The following PXDNL variants were observed in gnomAD, a reference collection of about 807,000 sequenced individuals.
The protein encoded by PXDNL is peroxidasin like, also known as probable oxidoreductase PXDNL.
Under a neutral mutation model 150.8 loss-of-function variants are expected in PXDNL, and 145 were observed. That is an observed-to-expected ratio of 0.96 (90% confidence interval 0.84 to 1.10). PXDNL has a LOEUF of 1.10. PXDNL is among the 50% of genes least tolerant of loss of function. The probability of loss-of-function intolerance (pLI) is 0.00; values close to 1 mark genes in which losing one functional copy is unlikely to be tolerated. For missense variants in PXDNL, 2,087 were observed against 1,873.9 expected, an observed-to-expected ratio of 1.11 and a Z score of -2.10; for synonymous variants, 757 against 725.7, an observed-to-expected ratio of 1.04 and a Z score of -0.69.
chr8:51,718,999 GC>G (rs1027526085), intron 1 of PXDNL, among the ~76,000 whole-genome samples: 2 of 150,704 alleles, frequency 1.3e-5, no homozygotes, highest in Non-Finnish European at 1.5e-5. Context: ...GCGGGGGGCA[GC>G]CCCCGATCGG....
chr8:51,599,490 C>A (rs1222829009), intron 2 of PXDNL, among the ~76,000 whole-genome samples: 1 of 151,144 alleles, frequency 6.6e-6, no homozygotes, highest in East Asian at 1.9e-4. Flanking sequence ...CATTCAGAAA[C>A]AAGTTGTTTA....
intron 4 of PXDNL, among the ~76,000 whole-genome samples, chr8:51,543,709 TC>T (rs1563457913): frequency 2.3e-5 from 1 of 43,534 alleles, no homozygotes; most frequent in Admixed American, 2.9e-4. Flanking sequence ...AGACTCCATA[TC>T]AAAAAAAAAA....
intron 1 of PXDNL, 136 bp downstream of exon 1, chr8:51,809,045 T>C (rs2129267987): frequency 2.3e-6 from 2 of 862,050 alleles, no homozygotes; most frequent in Admixed American, 3.0e-5. Context: ...TGAAATTGTT[T>C]GAAAAGTGAA....
intron 5 of PXDNL, among the ~76,000 whole-genome samples, chr8:51,483,982 G>T (rs1387616400): frequency 1.3e-5 from 2 of 151,906 alleles, no homozygotes; most frequent in African/African-American, 2.4e-5. Flanking sequence ...ATGCTAAAGA[G>T]AAATACATAA....
At position 51,408,851 on chromosome 8, in the gene PXDNL, GA is replaced by G; in HGVS notation, c.2772del (p.Pro925LeufsTer64). 6.3e-7 allele frequency: 1 copy of G among 1,580,524 alleles called. No homozygotes were observed. Among genetic ancestry groups the G allele is most frequent in the Non-Finnish European group, 8.6e-7 (1 of 1,164,320 alleles). On this transcript the variant is annotated frameshift_variant, in exon 17 of 23. Coordinates refer to ENST00000356297, the MANE Select transcript of PXDNL (RefSeq NM_144651.5). LOFTEE classifies it high-confidence loss of function. ...AAGGGCTTTCCGGAGGGAGGCCAAG[GA>G]AAGCCTGTCTTCAGGAGACCCCGAG... ...SVPRGLLKTGFPWPPSGKPLL... is the reference protein window; with the variant it reads ...SVPRGLLKTGXPWPPSGKPLL...
intron 12 of PXDNL, among the ~76,000 whole-genome samples, chr8:51,430,068 C>T (rs1809213487): frequency 6.9e-6 from 1 of 144,578 alleles, no homozygotes; most frequent in Non-Finnish European, 1.5e-5. Context: ...ACATCATAGC[C>T]TCCTTTGTCT....
chr8:51,591,624 A>ATT (rs548902313), intron 3 of PXDNL, among the ~76,000 whole-genome samples: 23 of 147,086 alleles, frequency 1.6e-4, no homozygotes, highest in African/African-American at 5.4e-4. Context: ...TCGCCTTAGC[A>ATT]TTTTTTTTTT....
chr8:51,446,989 C>T lies in PXDNL; in HGVS notation c.1525+15G>A. ...CACACTTCAGAATGTGAATATGAATCACAGTATATATTACCTTTGGGTTTT... is the reference window on the plus strand; with the variant it reads ...CACACTTCAGAATGTGAATATGAATTACAGTATATATTACCTTTGGGTTTT... On this transcript the variant is annotated intron_variant, in intron 12 of 22. Coordinates refer to ENST00000356297, the MANE Select transcript of PXDNL (RefSeq NM_144651.5). 2 of 1,613,036 alleles carry T rather than the reference C, an allele frequency of 1.2e-6. No individual in the cohort carries two copies. Among genetic ancestry groups the T allele is most frequent in the Non-Finnish European group, 1.7e-6 (2 of 1,179,340 alleles).
intron 20 of PXDNL, among the ~76,000 whole-genome samples, chr8:51,341,403 T>G (rs541028638): frequency 6.6e-6 from 1 of 152,270 alleles, no homozygotes; most frequent in East Asian, 1.9e-4. Flanking sequence ...CTCCAAAAAT[T>G]TCCTTATTTT....
chr8:51,466,949 G>A (rs1008597807), intron 8 of PXDNL, among the ~76,000 whole-genome samples: 6 of 152,134 alleles, frequency 3.9e-5, no homozygotes, highest in African/African-American at 1.4e-4. Flanking sequence ...TGTTGGAAAT[G>A]TAGATTAGTT....
At chr8:51,592,265 A>G (rs1813459875) in intron 3 of PXDNL, among the ~76,000 whole-genome samples, 1 of 152,230 alleles carries the variant, frequency 6.6e-6, no homozygotes, top group African/African-American at 2.4e-5. Context: ...CTCTGTTGGC[A>G]TAAAGCTCCT....
intron 21 of PXDNL, among the ~76,000 whole-genome samples, chr8:51,329,524 GT>G (rs1805616668): frequency 6.6e-6 from 1 of 152,134 alleles, no homozygotes; most frequent in Non-Finnish European, 1.5e-5. Flanking sequence ...AAAAAACACA[GT>G]TTTAAGAGGC....
intron 3 of PXDNL, among the ~76,000 whole-genome samples, chr8:51,579,790 T>C (rs1267544264): frequency 1.3e-5 from 2 of 151,948 alleles, no homozygotes; most frequent in Admixed American, 1.3e-4. Context: ...TACTCAGCAA[T>C]AAAAAGTAAT....
intron 5 of PXDNL, among the ~76,000 whole-genome samples, chr8:51,493,042 A>G (rs1810937964): frequency 6.6e-6 from 1 of 152,192 alleles, no homozygotes; most frequent in Admixed American, 6.5e-5. Context: ...CAGTAGGGGC[A>G]GACTGACAAC....
At chr8:51,798,433 C>T (rs1341476523) in intron 1 of PXDNL, among the ~76,000 whole-genome samples, 1 of 152,116 alleles carries the variant, frequency 6.6e-6, no homozygotes, top group Non-Finnish European at 1.5e-5. Flanking sequence ...GCAATCTATT[C>T]ATCTGAGAAA....
intron 2 of PXDNL, among the ~76,000 whole-genome samples, chr8:51,653,191 G>A (rs557776155): frequency 1.2e-4 from 19 of 152,172 alleles, no homozygotes; most frequent in African/African-American, 1.7e-4. Context: ...AGGCCGAGGC[G>A]GATGGATCAC....
Position 51,545,993 on chromosome 8 carries a change from G to A in PXDNL, c.380+10847C>T, listed in dbSNP as rs540900195. ...ACATGGGTGGGTAGGGAGGATGATG[G>A]ACAGAAGACAGGACTAACATGCAGC... On this transcript the variant is annotated intron_variant, in intron 4 of 22. Coordinates refer to ENST00000356297, the MANE Select transcript of PXDNL (RefSeq NM_144651.5). 2.0e-5 allele frequency among the ~76,000 whole-genome samples: 3 copies of A among 152,318 alleles called. No individual in the cohort carries two copies. In the South Asian group the frequency reaches 6.2e-4, roughly 32 times the overall value.
At chr8:51,681,714 C>G (rs1815753913) in intron 1 of PXDNL, among the ~76,000 whole-genome samples, 1 of 152,244 alleles carries the variant, frequency 6.6e-6, no homozygotes, top group Non-Finnish European at 1.5e-5. Context: ...TCAAAATAAT[C>G]CAACTTGTAA....
intron 12 of PXDNL, among the ~76,000 whole-genome samples, chr8:51,444,785 G>GTTTATAGATCTCATAAC (rs1809635865): frequency 2.0e-5 from 3 of 152,124 alleles, no homozygotes; most frequent in Admixed American, 2.0e-4. Context: ...TCCCACCACT[G>GTTTATAGATCTCATAAC]TGATCCTAGT....
Sources: gnomAD v4.1 joint callset for allele counts (sites outside exome capture counted in the v4.1 genomes callset) on GRCh38, gnomAD v4.1.1 for gene constraint, MANE v1.5 for transcripts, NCBI Gene and HGNC (gene_info 2026-07-23, HGNC 2026-07-21) for gene names.